FNIP2: variants seen among roughly 807,000 people sequenced by gnomAD.
FNIP2 encodes the protein folliculin-interacting protein 2.
A neutral mutation model predicts 108.7 loss-of-function variants in FNIP2; 32 were observed. The ratio of observed to expected loss-of-function variants is 0.29; its 90% CI spans 0.22 to 0.40. The LOEUF (loss-of-function observed/expected upper bound fraction) is 0.40, where lower values mean the gene tolerates loss of function less well. Among genes scored for constraint, FNIP2 ranks in the 10% least tolerant of loss-of-function variants. The probability of loss-of-function intolerance (pLI) is 1.00; values close to 1 mark genes in which losing one functional copy is unlikely to be tolerated. For missense variants in FNIP2, 1,202 were observed against 1,381.6 expected (o/e 0.87, Z 2.06); for synonymous variants, 480 against 496.7 (o/e 0.97, Z 0.45).
intron 1 of FNIP2, among the ~76,000 whole-genome samples, chr4:158,814,879 CTT>C (rs1488679885): frequency 6.6e-6 from 1 of 152,138 alleles, no homozygotes; most frequent in African/African-American, 2.4e-5. Flanking sequence ...CAAGAAGCCT[CTT>C]AAAGGAAACA....
At chr4:158,870,977 A>G (rs555348503) in intron 14 of FNIP2, among the ~76,000 whole-genome samples, 1 of 152,384 alleles carries the variant, frequency 6.6e-6, no homozygotes, top group Non-Finnish European at 1.5e-5. Flanking sequence ...GGGCAAATGG[A>G]ATAAACAGCA....
chr4:158,838,229 C>CTTTTTT (rs550985480), intron 7 of FNIP2, among the ~76,000 whole-genome samples: 3 of 117,614 alleles, frequency 2.6e-5, no homozygotes, highest in Non-Finnish European at 5.1e-5. Flanking sequence ...TTTAGGCCTG[C>CTTTTTT]TTTTTTTTTT....
At chr4:158,896,921 G>A (rs1198462573) in intron 16 of FNIP2, among the ~76,000 whole-genome samples, 8 of 151,596 alleles carry the variant, frequency 5.3e-5, no homozygotes, top group South Asian at 2.1e-4. Flanking sequence ...AGGTATACAC[G>A]TGCCATGGTG....
intron 1 of FNIP2, among the ~76,000 whole-genome samples, chr4:158,817,469 T>C (rs182617990): frequency 2.1e-4 from 32 of 152,366 alleles, no homozygotes; most frequent in Admixed American, 7.8e-4. Context: ...ATTTAATAGA[T>C]AACTTGGGAT....
At chr4:158,899,907 C>G (rs940374007) in intron 16 of FNIP2, among the ~76,000 whole-genome samples, 1 of 152,040 alleles carries the variant, frequency 6.6e-6, no homozygotes, top group Non-Finnish European at 1.5e-5. Flanking sequence ...TTTGTTTGCT[C>G]TTGCTTCTCT....
intron 7 of FNIP2, among the ~76,000 whole-genome samples, chr4:158,846,978 G>A (rs916718879): frequency 1.3e-5 from 2 of 152,154 alleles, no homozygotes; most frequent in African/African-American, 2.4e-5. Flanking sequence ...GTGCACTTGG[G>A]GAGAAACTTT....
chr4:158,893,813 C>G (rs182999722), intron 15 of FNIP2: 1 of 770,518 alleles, frequency 1.3e-6, no homozygotes, highest in Non-Finnish European at 2.1e-6. Context: ...CGTCTTGTCA[C>G]AGTTGATATC....
chr4:158,879,918 G>A (rs1781489005), intron 14 of FNIP2, among the ~76,000 whole-genome samples: 1 of 150,224 alleles, frequency 6.7e-6, no homozygotes, highest in Non-Finnish European at 1.5e-5. Flanking sequence ...AGTTAGAATG[G>A]CAATAATTAA....
intron 14 of FNIP2, among the ~76,000 whole-genome samples, chr4:158,876,173 TCG>T (rs1274915556): frequency 2.6e-5 from 4 of 152,252 alleles, no homozygotes; most frequent in African/African-American, 9.6e-5. Flanking sequence ...TGTGATTCTC[TCG>T]CCTTCTCAAT....
At chr4:158,836,146 C>T (rs1314472387) in intron 7 of FNIP2, 1 of 152,236 alleles carries the variant, frequency 6.6e-6, no homozygotes, top group African/African-American at 2.4e-5. Context: ...TCCAGTGAGA[C>T]TAGGAGCACC....
At chr4:158,770,846 T>C (rs180919716) in intron 1 of FNIP2, among the ~76,000 whole-genome samples, 16 of 152,296 alleles carry the variant, frequency 1.1e-4, no homozygotes, top group African/African-American at 3.8e-4. Flanking sequence ...CTTTGACAGC[T>C]CTTGCCAAGG....
At chr4:158,827,628 G>A (rs142590756) in intron 2 of FNIP2, among the ~76,000 whole-genome samples, 3 of 152,230 alleles carry the variant, frequency 2.0e-5, no homozygotes, top group African/African-American at 7.2e-5. Flanking sequence ...GTGGCACCTC[G>A]TGTCACTTAG....
At chr4:158,783,235 A>G (rs1776111046) in intron 1 of FNIP2, among the ~76,000 whole-genome samples, 1 of 152,160 alleles carries the variant, frequency 6.6e-6, no homozygotes, top group South Asian at 2.1e-4. Flanking sequence ...TGATGGTGAG[A>G]ATTGTTGTGG....
chr4:158,823,964 C>T (rs1221882288), intron 1 of FNIP2, among the ~76,000 whole-genome samples: 1 of 152,178 alleles, frequency 6.6e-6, no homozygotes, highest in East Asian at 1.9e-4. Context: ...GGCGTGATAA[C>T]TTAGGGCACA....
intron 7 of FNIP2, among the ~76,000 whole-genome samples, chr4:158,841,102 C>T (rs549308948): frequency 3.3e-5 from 5 of 149,344 alleles, no homozygotes; most frequent in African/African-American, 1.2e-4. Context: ...TCTACATGCA[C>T]ACACCAAGAG....
rs367808734 is a variant in FNIP2, at chr4:158,868,144, G to A, written c.1508G>A (p.Arg503His). The A allele has an allele frequency of 1.3e-5, 21 of 1,613,902 alleles. No homozygotes were observed. Among genetic ancestry groups the A allele is most frequent in the South Asian group, 4.4e-5 (4 of 91,078 alleles). ...GAIGSPVRLTRTVVVGKQKDL... is the reference protein window; with the variant it reads ...GAIGSPVRLTHTVVVGKQKDL... ...ATAGGCTCTCCAGTGAGACTGACTCGCACCGTAGTGGTAGGGAAGCAGAAG... is the reference window on the plus strand; with the variant it reads ...ATAGGCTCTCCAGTGAGACTGACTCACACCGTAGTGGTAGGGAAGCAGAAG... Residue 503 changes from arginine (R) to histidine (H), a missense_variant, in exon 13 of 17, where the codon CGC becomes CAC. Around this residue, in one of 5 missense-constraint regions of FNIP2, gnomAD observed 878 missense variants for 990.3 expected, o/e 0.89. Transcript: ENST00000264433. The surrounding 1 kb of genome is among the most constrained non-coding windows in gnomAD (Gnocchi z 4.6).
intron 1 of FNIP2, among the ~76,000 whole-genome samples, chr4:158,785,418 T>G (rs553300710): frequency 6.6e-6 from 1 of 152,236 alleles, no homozygotes; most frequent in African/African-American, 2.4e-5. Flanking sequence ...TGTCTCCAAA[T>G]TTGAAGTTTT....
At chr4:158,811,591 T>C (rs1481416391) in intron 1 of FNIP2, among the ~76,000 whole-genome samples, 1 of 152,162 alleles carries the variant, frequency 6.6e-6, no homozygotes, top group African/African-American at 2.4e-5. Context: ...GAATGGTGTT[T>C]CCTGAGCCTC....
intron 16 of FNIP2, among the ~76,000 whole-genome samples, chr4:158,896,816 C>A (rs1358066840): frequency 6.6e-6 from 1 of 151,022 alleles, no homozygotes; most frequent in East Asian, 1.9e-4. Flanking sequence ...CTCTACCAGC[C>A]TCATACTTCA....
Sources: gnomAD v4.1 joint callset for allele counts (sites outside exome capture counted in the v4.1 genomes callset) on GRCh38, gnomAD v4.1.1 for gene constraint, gnomAD v4.1.1 regional missense constraint, Gnocchi (gnomAD v3.1) non-coding constraint, MANE v1.5 for transcripts, NCBI Gene and HGNC (gene_info 2026-07-23, HGNC 2026-07-21) for gene names.